The following CLEC4D variants were observed in gnomAD, a reference collection of about 807,000 sequenced individuals.
CLEC4D encodes C-type (calcium dependent, carbohydrate-recognition domain) lectin, superfamily member 8.
A neutral mutation model predicts 21.1 loss-of-function variants in CLEC4D; 21 were observed. The ratio of observed to expected loss-of-function variants is 1.00; its 90% CI spans 0.71 to 1.43. CLEC4D has a LOEUF of 1.43. Among genes scored for constraint, CLEC4D ranks in the 40% most tolerant of loss-of-function variants. The pLI, the probability that CLEC4D is intolerant of heterozygous loss-of-function variation, is 0.00. For missense variants in CLEC4D, 289 were observed against 260.7 expected, an observed-to-expected ratio of 1.11 and a Z score of -0.75; for synonymous variants, 85 against 83.1, an observed-to-expected ratio of 1.02 and a Z score of -0.12.
downstream of CLEC4D, among the ~76,000 whole-genome samples, chr12:8,524,241 T>G (rs1481312261): frequency 6.6e-6 from 1 of 152,206 alleles, no homozygotes; most frequent in Non-Finnish European, 1.5e-5. Flanking sequence ...TCCCTCCTTT[T>G]CAATTGTTTG....
chr12:8,517,455 C>G (rs1458032614), intron 2 of CLEC4D, among the ~76,000 whole-genome samples: 2 of 137,666 alleles, frequency 1.5e-5, no homozygotes, highest in African/African-American at 2.6e-5. Flanking sequence ...CCCCCTCCCC[C>G]CACCCCACAA....
chr12:8,513,844 A>G (rs1940340952), intron 1 of CLEC4D, 84 bp downstream of exon 1: 1 of 766,040 alleles, frequency 1.3e-6, no homozygotes, highest in South Asian at 1.6e-5. Context: ...GTAGTTTTAA[A>G]GATTGTTGAT....
chr12:8,528,350 A>G, the CLEC4D span, among the ~76,000 whole-genome samples: 1 of 152,180 alleles, frequency 6.6e-6, no homozygotes, highest in South Asian at 2.1e-4. Flanking sequence ...CTCTTTAGAG[A>G]GTCCCTACCA....
chr12:8,520,331 C>A lies in CLEC4D; in HGVS notation c.490C>A (p.Pro164Thr), dbSNP rs1260010270. 6.2e-7 allele frequency: 1 copy of A among 1,613,774 alleles called. No homozygotes were observed. The highest frequency in any genetic ancestry group is 2.2e-5 in the East Asian group (1 of 44,874). ...TTGGGTGGACCAGACGCCATTTAAC[C>A]CACGCAGAGTGTAAGTATATTGAGT... ...WRWVDQTPFN[P>T]RRVFWHKNEP... Residue 164 changes from proline to threonine, a missense_variant, in exon 5 of 6, where the codon CCA becomes ACA. Transcript: ENST00000299665.
downstream of CLEC4D, among the ~76,000 whole-genome samples, chr12:8,526,764 C>G (rs1479604133): frequency 1.3e-5 from 2 of 152,190 alleles, no homozygotes; most frequent in Non-Finnish European, 2.9e-5. Context: ...GGAGAAGAGG[C>G]ACTCTTGTCT....
intron 2 of CLEC4D, 43 bp downstream of exon 2, chr12:8,515,371 T>C: frequency 1.1e-6 from 1 of 941,050 alleles, no homozygotes; most frequent in Non-Finnish European, 1.8e-6. Context: ...AATTATTATT[T>C]CCAAACAACT....
the CLEC4D span, among the ~76,000 whole-genome samples, chr12:8,530,569 C>A: frequency 6.6e-6 from 1 of 150,612 alleles, no homozygotes; most frequent in African/African-American, 2.4e-5. Flanking sequence ...ATATAAAATT[C>A]TTAGTGACAT....
At chr12:8,525,089 C>T (rs938468600), downstream of CLEC4D, among the ~76,000 whole-genome samples, 32 of 151,994 alleles carry the variant, frequency 2.1e-4, no homozygotes, top group Non-Finnish European at 4.0e-4. Flanking sequence ...TCAGTTCTTT[C>T]GCATTTGCTG....
At chr12:8,515,574 A>G (rs992337749) in intron 2 of CLEC4D, among the ~76,000 whole-genome samples, 2 of 152,176 alleles carry the variant, frequency 1.3e-5, no homozygotes, top group Non-Finnish European at 2.9e-5. Flanking sequence ...GTTGGTTACT[A>G]TAGCAAATTT....
downstream of CLEC4D, among the ~76,000 whole-genome samples, chr12:8,523,761 TC>T (rs776418659): frequency 2.0e-5 from 3 of 152,238 alleles, no homozygotes; most frequent in African/African-American, 4.8e-5. Context: ...AGAGAGGACA[TC>T]CTTGTCTTGT....
chr12:8,516,665 A>G (rs1212155098), intron 2 of CLEC4D, among the ~76,000 whole-genome samples: 1 of 152,218 alleles, frequency 6.6e-6, no homozygotes, highest in African/African-American at 2.4e-5. Context: ...GAGTTTAAGC[A>G]TTACAGTCAC....
At chr12:8,520,428 T>C in intron 5 of CLEC4D, 87 bp downstream of exon 5, 1 of 1,527,838 alleles carries the variant, frequency 6.5e-7, no homozygotes. Flanking sequence ...TGGAGTACAT[T>C]GATATAAAAA....
intron 3 of CLEC4D, 36 bp downstream of exon 3, chr12:8,518,310 A>T: frequency 2.4e-6 from 2 of 830,986 alleles, no homozygotes; most frequent in Non-Finnish European, 2.0e-6. Flanking sequence ...TTTAATTTCC[A>T]TTTTCGTTCA....
Position 8,521,294 on chromosome 12 carries a change from G to C in CLEC4D, c.*23G>C. ...TAGAAACTCAGAAAGTGGTCCTTGT[G>C]ATGGAAAGAGAAAAGAAAAACCAAT... On this transcript the variant is annotated 3_prime_UTR_variant, in exon 6 of 6. Transcript: ENST00000299665. The C allele has an allele frequency of 6.3e-7, 1 of 1,590,368 alleles. No individual in the cohort carries two copies. Among genetic ancestry groups the C allele is most frequent in the Non-Finnish European group, 8.5e-7 (1 of 1,171,336 alleles).
At chr12:8,519,728 C>A (rs1395022295) in intron 4 of CLEC4D, among the ~76,000 whole-genome samples, 1 of 152,168 alleles carries the variant, frequency 6.6e-6, no homozygotes, top group African/African-American at 2.4e-5. Context: ...AGGGTAAATT[C>A]TTTAAAGGCT....
chr12:8,521,256 A>C lies in CLEC4D; in HGVS notation c.633A>C (p.Gly211=). Residue 211 remains glycine (G), a synonymous_variant, in exon 6 of 6, where the codon GGA becomes GGC. Transcript: ENST00000299665. ...FEASRICKIP[G]TTLN ...CAAGTAGGATTTGTAAAATACCTGG[A>C]ACAACATTGAACTAGAAACTCAGAA... 6.2e-7 allele frequency: 1 copy of C among 1,609,376 alleles called. No homozygotes were observed. The highest frequency in any genetic ancestry group is 8.5e-7 in the Non-Finnish European group (1 of 1,178,236).
chr12:8,530,976 T>C, the CLEC4D span, among the ~76,000 whole-genome samples: 1 of 152,258 alleles, frequency 6.6e-6, no homozygotes, highest in Non-Finnish European at 1.5e-5. Context: ...CATCCTGTGC[T>C]GAATGACCTG....
At chr12:8,526,473 C>G (rs1468422324), downstream of CLEC4D, among the ~76,000 whole-genome samples, 2 of 152,126 alleles carry the variant, frequency 1.3e-5, no homozygotes, top group East Asian at 3.9e-4. Context: ...TCCACTTGGT[C>G]AATTTGGCTG....
the CLEC4D span, among the ~76,000 whole-genome samples, chr12:8,531,118 C>A: frequency 6.6e-6 from 1 of 152,190 alleles, no homozygotes; most frequent in Admixed American, 6.5e-5. Context: ...GGCTTTGAGA[C>A]TTTGGGACAG....
Sources: allele counts gnomAD v4.1 joint callset (sites outside exome capture counted in the v4.1 genomes callset), GRCh38; gene constraint gnomAD v4.1.1; transcripts MANE v1.5; gene names NCBI Gene and HGNC (gene_info 2026-07-23, HGNC 2026-07-21).